SCMH1: variants seen among roughly 807,000 people sequenced by gnomAD.
SCMH1 encodes the protein polycomb protein SCMH1.
SCMH1 carries 37 observed loss-of-function variants against 70.8 expected under a neutral mutation model. The ratio of observed to expected loss-of-function variants is 0.52; its 90% CI spans 0.40 to 0.69. SCMH1 has a LOEUF of 0.69. SCMH1 is among the 30% of genes least tolerant of loss of function. SCMH1 has a pLI of 0.00. For synonymous variants in SCMH1, 292 were observed against 307.4 expected (o/e 0.95, Z 0.52); for missense variants, 607 against 827.3 (o/e 0.73, Z 3.27).
intron 1 of SCMH1, among the ~76,000 whole-genome samples, chr1:41,215,606 C>A (rs1235431923): frequency 1.3e-5 from 2 of 152,130 alleles, no homozygotes; most frequent in Non-Finnish European, 2.9e-5. Context: ...AACTCATCAA[C>A]CTATAACCCA....
At chr1:41,031,458 G>T (rs778722717) in intron 13 of SCMH1, among the ~76,000 whole-genome samples, 1 of 152,154 alleles carries the variant, frequency 6.6e-6, no homozygotes, top group African/African-American at 2.4e-5. Flanking sequence ...AGTACACTTT[G>T]TCTGGCCTGG....
chr1:41,230,780 C>T (rs1661151736), intron 1 of SCMH1, among the ~76,000 whole-genome samples: 1 of 152,084 alleles, frequency 6.6e-6, no homozygotes, highest in Admixed American at 6.6e-5. Flanking sequence ...ACTTAGAGAG[C>T]TTTTAGAAAA....
intron 6 of SCMH1, among the ~76,000 whole-genome samples, chr1:41,122,871 G>A (rs920677144): frequency 6.6e-6 from 1 of 152,174 alleles, no homozygotes; most frequent in African/African-American, 2.4e-5. Flanking sequence ...TGGGACCACT[G>A]GATAAGCTAG....
At position 41,186,268 on chromosome 1, in the gene SCMH1, G is replaced by T; in HGVS notation, c.-117-18C>A. On this transcript the variant is annotated intron_variant, in intron 1 of 14. Coordinates refer to ENST00000337495, the Ensembl canonical transcript of SCMH1. ...TTCTCCATCTGTAAAAAAGGTAGGTGGGGAGGAAGGAGAAGAACATTTATT... is the reference window on the plus strand; with the variant it reads ...TTCTCCATCTGTAAAAAAGGTAGGTTGGGAGGAAGGAGAAGAACATTTATT... 1 of 622,126 alleles carries T rather than the reference G, an allele frequency of 1.6e-6. No individual in the cohort carries two copies. Among genetic ancestry groups the T allele is most frequent in the Non-Finnish European group, 3.0e-6 (1 of 329,340 alleles). The allele number at this position is 622,126 out of a possible 1,614,324, so 38.5% of individuals were successfully genotyped here. A position where few individuals can be genotyped will look rare whatever the true frequency, so the allele number is the denominator to read the frequency against.
At chr1:41,080,832 G>A (rs1295357574) in intron 8 of SCMH1, among the ~76,000 whole-genome samples, 1 of 152,038 alleles carries the variant, frequency 6.6e-6, no homozygotes, top group African/African-American at 2.4e-5. Flanking sequence ...GTGAAATATT[G>A]AACACTTCTT....
intron 6 of SCMH1, among the ~76,000 whole-genome samples, chr1:41,142,492 CA>C (rs1270017184): frequency 2.6e-5 from 4 of 152,194 alleles, no homozygotes; most frequent in African/African-American, 7.2e-5. Context: ...ATCCTTATAA[CA>C]GCCATGCTTT....
At chr1:41,100,981 A>C (rs1666466662) in intron 8 of SCMH1, among the ~76,000 whole-genome samples, 1 of 152,130 alleles carries the variant, frequency 6.6e-6, no homozygotes, top group Non-Finnish European at 1.5e-5. Context: ...GGATCAAGAA[A>C]AGAAAACTCT....
intron 8 of SCMH1, among the ~76,000 whole-genome samples, chr1:41,080,108 G>T (rs567102901): frequency 2.0e-3 from 302 of 151,170 alleles, no homozygotes; most frequent in African/African-American, 6.9e-3. Flanking sequence ...CTGTTTGTTT[G>T]TTCCATTATT....
At chr1:41,127,401 C>T (rs762749676) in intron 6 of SCMH1, among the ~76,000 whole-genome samples, 2 of 152,046 alleles carry the variant, frequency 1.3e-5, no homozygotes, top group African/African-American at 2.4e-5. Context: ...TTTAAAAAGG[C>T]TTTCCCCACC....
chr1:41,113,926 T>A lies in SCMH1; in HGVS notation c.502-400A>T, dbSNP rs1396287998. On this transcript the variant is annotated intron_variant, in intron 7 of 14. Coordinates refer to ENST00000337495, the Ensembl canonical transcript of SCMH1. This position sits in a 1 kb window ranked among gnomAD's most constrained non-coding sequence, Gnocchi z 4.3. ...TATAAATGGTATTATACTGTATATA[T>A]CATTGTACAATTTGCTTTTTGTTTA... Among the ~76,000 whole-genome samples, 1 of 152,204 alleles carries A rather than the reference T, an allele frequency of 6.6e-6. No individual in the cohort carries two copies. The highest frequency in any genetic ancestry group is 1.5e-5 in the Non-Finnish European group (1 of 68,030).
chr1:41,205,317 G>GA (rs1356933275), intron 1 of SCMH1, among the ~76,000 whole-genome samples: 3 of 152,196 alleles, frequency 2.0e-5, no homozygotes, highest in Admixed American at 2.0e-4. Flanking sequence ...ACTGCACCTG[G>GA]AAAATCAGTA....
chr1:41,141,488 T>C (rs2148209269), intron 6 of SCMH1, among the ~76,000 whole-genome samples: 1 of 152,346 alleles, frequency 6.6e-6, no homozygotes, highest in Admixed American at 6.5e-5. Context: ...AACCAGACTA[T>C]ACATGCTTCT....
intron 8 of SCMH1, among the ~76,000 whole-genome samples, chr1:41,093,191 C>T (rs986803611): frequency 3.3e-5 from 5 of 151,772 alleles, no homozygotes; most frequent in African/African-American, 1.2e-4. Flanking sequence ...TACTATGCAG[C>T]CATAAAAAAG....
intron 9 of SCMH1, among the ~76,000 whole-genome samples, chr1:41,071,680 T>TG (rs1656566127): frequency 1.3e-5 from 2 of 151,782 alleles, no homozygotes; most frequent in African/African-American, 4.9e-5. Flanking sequence ...CCTTTTTTTT[T>TG]GAGACAGAGT....
At chr1:41,086,401 CAA>C (rs937170404) in intron 8 of SCMH1, among the ~76,000 whole-genome samples, 10 of 152,108 alleles carry the variant, frequency 6.6e-5, no homozygotes, top group African/African-American at 2.4e-4. Flanking sequence ...AAGATAATTA[CAA>C]AACACTGCTG....
chr1:41,158,720 T>C (rs959071393), intron 4 of SCMH1, among the ~76,000 whole-genome samples: 3 of 152,116 alleles, frequency 2.0e-5, no homozygotes, highest in African/African-American at 7.2e-5. Context: ...GGCTGTAGTG[T>C]AAAGAATGGG....
At chr1:41,083,241 A>C (rs1187774289) in intron 8 of SCMH1, among the ~76,000 whole-genome samples, 2 of 152,214 alleles carry the variant, frequency 1.3e-5, no homozygotes, top group Non-Finnish European at 2.9e-5. Context: ...GTCTCAGCCC[A>C]AAATCTCCTT....
chr1:41,142,428 G>A (rs1020863758), intron 6 of SCMH1, among the ~76,000 whole-genome samples: 1 of 152,126 alleles, frequency 6.6e-6, no homozygotes, highest in South Asian at 2.1e-4. Context: ...TAATGGATTC[G>A]AAGCGAGAAA....
chr1:41,226,877 G>A (rs767018523), intron 1 of SCMH1, among the ~76,000 whole-genome samples: 1 of 152,138 alleles, frequency 6.6e-6, no homozygotes, highest in African/African-American at 2.4e-5. Context: ...TTATGTCTCC[G>A]TTGAAATCTA....
Sources: allele counts gnomAD v4.1 joint callset (sites outside exome capture counted in the v4.1 genomes callset), GRCh38; gene constraint gnomAD v4.1.1; non-coding constraint Gnocchi (gnomAD v3.1); transcripts MANE v1.5; gene names NCBI Gene and HGNC (gene_info 2026-07-23, HGNC 2026-07-21).